Variants in COL16A1 observed in about 807,000 individuals in gnomAD.
The protein encoded by COL16A1 is collagen type XVI alpha 1 chain.
A neutral mutation model predicts 266.3 loss-of-function variants in COL16A1; 189 were observed. That is an observed-to-expected ratio of 0.71 (90% CI 0.63 to 0.80). The LOEUF (loss-of-function observed/expected upper bound fraction) is 0.80, where lower values mean the gene tolerates loss of function less well. Ranked by LOEUF, COL16A1 falls within the 30% of genes least tolerant of loss-of-function variation. COL16A1 has a pLI of 0.00. For synonymous variants in COL16A1, 740 were observed against 782.3 expected (o/e 0.95, Z 0.90); for missense variants, 1,928 against 2,122.4 (o/e 0.91, Z 1.80).
At chr1:31,671,139 G>T (rs1342662998) in intron 48 of COL16A1, among the ~76,000 whole-genome samples, 1 of 152,338 alleles carries the variant, frequency 6.6e-6, no homozygotes, top group South Asian at 2.1e-4. Context: ...ACCCTGGTCT[G>T]GTTTTTGTAG....
At chr1:31,692,912 C>T (rs779161825) in intron 13 of COL16A1, 104 bp from the exon 14 acceptor site, 31 of 1,190,914 alleles carry the variant, frequency 2.6e-5, no homozygotes, top group Non-Finnish European at 3.7e-5. Flanking sequence ...CTAAGTATCC[C>T]TAGAAAAGGG....
Position 31,668,173 on chromosome 1 carries a change from C to T in COL16A1, c.3295G>A (p.Gly1099Arg). 1 of 1,612,786 alleles carries T rather than the reference C, an allele frequency of 6.2e-7. No homozygotes were observed. Among genetic ancestry groups the T allele is most frequent in the Non-Finnish European group, 8.5e-7 (1 of 1,179,380 alleles). ...AGGGTCCCCTTACTCACAGGCAGTCCTGGGGGGCCCGTGGCACCTGGGTAA... is the reference window on the plus strand; with the variant it reads ...AGGGTCCCCTTACTCACAGGCAGTCTTGGGGGGCCCGTGGCACCTGGGTAA... ...PGYPGATGPP[G>R]LPGIKGERGY... is the part of the protein sequence containing the mutation. The change falls in exon 51 of 71, where the codon GGA (glycine) becomes AGA (arginine). Residue 1099 changes from glycine (G) to arginine (R), a missense_variant. Physicochemically the swap from Gly to Arg is moderately radical, Grantham distance 125. Transcript: ENST00000373672. This position sits in a 1 kb window ranked among gnomAD's most constrained non-coding sequence, Gnocchi z 5.8.
At chr1:31,680,822 C>T (rs922894125) in intron 39 of COL16A1, 83 bp downstream of exon 39, 27 of 1,606,222 alleles carry the variant, frequency 1.7e-5, no homozygotes, top group African/African-American at 5.4e-5. Context: ...GGCTGCTAAT[C>T]CCCCAGAGTA....
chr1:31,675,338 G>A (rs1234990699), intron 42 of COL16A1, 27 bp from the exon 43 acceptor site: 4 of 1,611,362 alleles, frequency 2.5e-6, no homozygotes, highest in South Asian at 1.1e-5. Flanking sequence ...ACACGAGTGA[G>A]TGGGCTCCAT....
intron 59 of COL16A1, 46 bp downstream of exon 59, chr1:31,661,614 A>G: frequency 6.2e-7 from 1 of 1,613,412 alleles, no homozygotes. Flanking sequence ...CCCAGGCAGA[A>G]GCTGCAACTT....
intron 44 of COL16A1, among the ~76,000 whole-genome samples, chr1:31,673,567 A>G (rs1186605945): frequency 5.3e-5 from 8 of 152,262 alleles, no homozygotes; most frequent in South Asian, 2.1e-4. Context: ...AAGCCCAGTA[A>G]TAACGACTGG....
chr1:31,674,326 AC>A (rs1241431299), intron 44 of COL16A1, among the ~76,000 whole-genome samples: 2 of 152,122 alleles, frequency 1.3e-5, no homozygotes, highest in Admixed American at 6.5e-5. Context: ...TCCTTCAAAA[AC>A]CTGAAGGCAA....
In COL16A1 at chr1:31,670,787, G is replaced by C. The variant is rs1442613707; in HGVS notation, c.3151-141C>G. On this transcript the variant is annotated intron_variant, in intron 48 of 70. Coordinates refer to ENST00000373672, the MANE Select transcript of COL16A1 (RefSeq NM_001856.4). The surrounding 1 kb of genome is among the most constrained non-coding windows in gnomAD (Gnocchi z 4.5). ...AAGGCAGCTGGAAAAGAGACTCCTT[G>C]AAAGTCTTGGCTCAAAAGACAACTG... The C allele has an allele frequency of 1.6e-6, 1 of 624,124 alleles. No individual in the cohort carries two copies. Among genetic ancestry groups the C allele is most frequent in the Non-Finnish European group, 2.5e-6 (1 of 407,200 alleles). 38.7% of individuals were successfully genotyped at this position (624,124 alleles called of 1,614,324 possible).
chr1:31,698,665 C>A lies in COL16A1; in HGVS notation c.267-59G>T, dbSNP rs1644602541. 1.3e-6 allele frequency: 2 copies of A among 1,597,506 alleles called. No homozygotes were observed. The highest frequency in any genetic ancestry group is 2.2e-5 in the South Asian group (2 of 88,944). ...CCAATGAGGACCCAAATGCTGCCCA[C>A]CCTGAGCCCTCAGGACTGCTGAGCC... On this transcript the variant is annotated intron_variant, in intron 4 of 70. Coordinates refer to ENST00000373672, the MANE Select transcript of COL16A1 (RefSeq NM_001856.4). This position sits in a 1 kb window ranked among gnomAD's most constrained non-coding sequence, Gnocchi z 4.1.
chr1:31,667,705 C>T (rs1642259821), intron 51 of COL16A1, 77 bp from the exon 52 acceptor site: 2 of 1,361,404 alleles, frequency 1.5e-6, no homozygotes, highest in Non-Finnish European at 2.1e-6. Context: ...GGAGCGGAGA[C>T]TGCAGCTGGC....
chr1:31,676,027 C>T (rs1051009221), intron 42 of COL16A1, among the ~76,000 whole-genome samples: 4 of 152,122 alleles, frequency 2.6e-5, no homozygotes, highest in Admixed American at 2.6e-4. Flanking sequence ...AAAAATAGCA[C>T]AAAGAACCCA....
chr1:31,658,625 G>A, intron 63 of COL16A1, 48 bp from the exon 64 acceptor site: 4 of 1,496,032 alleles, frequency 2.7e-6, no homozygotes, highest in East Asian at 2.3e-5. Context: ...AGCAGGCAAA[G>A]TGGACTCCCA....
rs549457503 is a variant in COL16A1, at chr1:31,698,644, T to C, written c.267-38A>G. 20 of 1,609,214 alleles carry C rather than the reference T, an allele frequency of 1.2e-5. No individual in the cohort carries two copies. Among genetic ancestry groups the C allele is most frequent in the Middle Eastern group, 3.4e-4 (2 of 5,894 alleles). ...CAGGGAGGGTGCCCTGAGGCTCCAA[T>C]GAGGACCCAAATGCTGCCCACCCTG... On this transcript the variant is annotated intron_variant, in intron 4 of 70. Coordinates refer to ENST00000373672, the MANE Select transcript of COL16A1 (RefSeq NM_001856.4). The surrounding 1 kb of genome is among the most constrained non-coding windows in gnomAD (Gnocchi z 4.1).
Position 31,652,765 on chromosome 1 carries a change from A to G in COL16A1, c.4701T>C (p.Gly1567=). 1 of 1,600,152 alleles carries G rather than the reference A, an allele frequency of 6.2e-7. No individual in the cohort carries two copies. Among genetic ancestry groups the G allele is most frequent in the East Asian group, 2.3e-5 (1 of 44,206 alleles). Residue 1567 remains glycine, a synonymous_variant, in exon 71 of 71, where the codon GGT becomes GGC. Transcript: ENST00000373672. The surrounding 1 kb of genome is among the most constrained non-coding windows in gnomAD (Gnocchi z 4.8). The part of the protein sequence containing the change: ...QGIPGIPGPP[G]PMGQPGKAGH... ...CAGCCTTGCCTGGCTGGCCCATGGGACCCGGGGGCCCAGGGATGCCAGGGA... is the reference window on the plus strand; with the variant it reads ...CAGCCTTGCCTGGCTGGCCCATGGGGCCCGGGGGCCCAGGGATGCCAGGGA...
At position 31,672,420 on chromosome 1, in the gene COL16A1, TCTC is replaced by T. The variant is rs1479197306; in HGVS notation, c.3098_3100del (p.Gly1033del). 2 of 1,614,022 alleles carry T rather than the reference TCTC, an allele frequency of 1.2e-6. No individual in the cohort carries two copies. Among genetic ancestry groups the T allele is most frequent in the Admixed American group, 1.7e-5 (1 of 60,014 alleles). ...AATCCCCATCCCTGGTCTTACCTCT[TCTC>T]CTCTCTGGCCTGGCAATCCCGGAGG... On this transcript the variant is annotated inframe_deletion, in exon 47 of 71. Coordinates refer to ENST00000373672, the MANE Select transcript of COL16A1 (RefSeq NM_001856.4).
chr1:31,673,487 T>C (rs1642916532), intron 44 of COL16A1, among the ~76,000 whole-genome samples: 1 of 152,190 alleles, frequency 6.6e-6, no homozygotes, highest in African/African-American at 2.4e-5. Context: ...GCCCGGAGCC[T>C]GTTTGTGGCC....
chr1:31,667,760 T>C, intron 51 of COL16A1, 132 bp from the exon 52 acceptor site: 4 of 913,658 alleles, frequency 4.4e-6, no homozygotes, highest in Non-Finnish European at 6.9e-6. Context: ...GACCGCTGGG[T>C]GCTCCAAAGC....
intron 33 of COL16A1, 34 bp from the exon 34 acceptor site, chr1:31,683,782 G>A: frequency 6.2e-7 from 1 of 1,613,872 alleles, no homozygotes; most frequent in Non-Finnish European, 8.5e-7. Context: ...CTGGCTCGAG[G>A]TTCCCCAGTC....
chr1:31,691,497 C>A lies in COL16A1; in HGVS notation c.1318G>T (p.Val440Phe), dbSNP rs1363502126. The change falls in exon 19 of 71, where the codon GTT becomes TTT. Residue 440 changes from valine (V) to phenylalanine (F), a missense_variant. Val to Phe is a conservative substitution (Grantham distance 50). Transcript: ENST00000373672. The part of the protein sequence containing the change: ...PKGQKGDPGF[V>F]GPEGLAGEPG... ...TCTCCTGCCAGCCCCTCAGGCCCAA[C>A]AAAGCCAGGGTCTCCCTGGCACAGA... The A allele has an allele frequency of 6.2e-7, 1 of 1,613,770 alleles. No homozygotes were observed. Among genetic ancestry groups the A allele is most frequent in the Non-Finnish European group, 8.5e-7 (1 of 1,179,776 alleles).
Sources: gnomAD v4.1 joint callset for allele counts (sites outside exome capture counted in the v4.1 genomes callset) on GRCh38, gnomAD v4.1.1 for gene constraint, Gnocchi (gnomAD v3.1) non-coding constraint, MANE v1.5 for transcripts, NCBI Gene and HGNC (gene_info 2026-07-23, HGNC 2026-07-21) for gene names.